The following SUN3 variants were observed in gnomAD, a reference collection of about 807,000 sequenced individuals.
SUN3 encodes the protein SUN domain-containing protein 3.
In SUN3, 36 loss-of-function variants were observed where a neutral mutation model predicts 48.2. The observed-to-expected ratio is 0.75, with a 90% CI of 0.57 to 0.99. SUN3 has a LOEUF of 0.99. Among genes scored for constraint, SUN3 ranks in the 50% least tolerant of loss-of-function variants. The probability of loss-of-function intolerance (pLI) is 0.00; values close to 1 mark genes in which losing one functional copy is unlikely to be tolerated. For missense variants in SUN3, 419 were observed against 433.1 expected (o/e 0.97, Z 0.29); for synonymous variants, 148 against 147.9 (o/e 1.00, Z 0.00).
At chr7:48,027,071 A>G (rs1361998785) in intron 1 of SUN3, among the ~76,000 whole-genome samples, 2 of 152,122 alleles carry the variant, frequency 1.3e-5, no homozygotes, top group African/African-American at 4.8e-5. Flanking sequence ...TCTGGGTTTG[A>G]ACCATCTATA....
At chr7:48,032,388 T>C (rs1790267297), upstream of SUN3, among the ~76,000 whole-genome samples, 1 of 152,216 alleles carries the variant, frequency 6.6e-6, no homozygotes, top group African/African-American at 2.4e-5. Flanking sequence ...AACTGAAACA[T>C]AGAAGTTTTG....
chr7:47,988,916 A>T, intron 8 of SUN3, 36 bp from the exon 9 acceptor site: 1 of 1,186,760 alleles, frequency 8.4e-7, no homozygotes, highest in Non-Finnish European at 1.2e-6. Flanking sequence ...GATTGTAATG[A>T]ATGGATGCAG....
intron 3 of SUN3, among the ~76,000 whole-genome samples, chr7:48,009,807 G>A (rs1038039433): frequency 1.3e-5 from 2 of 152,116 alleles, no homozygotes; most frequent in African/African-American, 2.4e-5. Flanking sequence ...GAGCATGCTG[G>A]AGTGCAGGCA....
intron 3 of SUN3, among the ~76,000 whole-genome samples, chr7:48,011,329 T>A (rs1789677534): frequency 6.6e-6 from 1 of 152,264 alleles, no homozygotes; most frequent in African/African-American, 2.4e-5. Context: ...AGTGCTATAC[T>A]ATAAATGTGT....
intron 7 of SUN3, among the ~76,000 whole-genome samples, chr7:47,994,959 T>C (rs1583746157): frequency 6.6e-6 from 1 of 151,946 alleles, no homozygotes; most frequent in Non-Finnish European, 1.5e-5. Flanking sequence ...GTAGTGGTGG[T>C]TGTAGTGATG....
At chr7:48,035,398 C>A in the SUN3 span, 1 of 623,724 alleles carries the variant, frequency 1.6e-6, no homozygotes, top group Non-Finnish European at 2.9e-6. The surrounding 1 kb of genome is among the most constrained non-coding windows in gnomAD (Gnocchi z 4.0). Context: ...GGCGCCCGCG[C>A]TCCGCTTCCT....
chr7:47,998,383 C>T (rs974047786), intron 6 of SUN3, among the ~76,000 whole-genome samples: 1 of 152,122 alleles, frequency 6.6e-6, no homozygotes, highest in African/African-American at 2.4e-5. Flanking sequence ...GAAGTGTCTT[C>T]CAAACCTTTT....
At chr7:48,002,480 T>A (rs1049967954) in intron 6 of SUN3, among the ~76,000 whole-genome samples, 2 of 145,978 alleles carry the variant, frequency 1.4e-5, no homozygotes, top group Non-Finnish European at 3.0e-5. Flanking sequence ...TCTCTAATGA[T>A]CAGTGACGTC....
At chr7:48,012,954 G>A (rs1228330665) in intron 3 of SUN3, among the ~76,000 whole-genome samples, 1 of 152,176 alleles carries the variant, frequency 6.6e-6, no homozygotes, top group Non-Finnish European at 1.5e-5. Flanking sequence ...AACATAGAAT[G>A]CACATGCCTT....
intron 6 of SUN3, among the ~76,000 whole-genome samples, 188 bp downstream of exon 6, chr7:48,005,781 C>A (rs552529472): frequency 6.6e-6 from 1 of 151,228 alleles, no homozygotes; most frequent in South Asian, 2.1e-4. Flanking sequence ...TTCCCTGGAA[C>A]ATTTGCACTC....
rs753884364 is a variant in SUN3, at chr7:48,017,360, G to A, written c.190C>T (p.Leu64=). The change falls in exon 3 of 10, where the codon CTA becomes TTA. Residue 64 remains leucine (L), a synonymous_variant. Coordinates refer to ENST00000297325, the MANE Select transcript of SUN3 (RefSeq NM_001030019.2). ...LTLTFLLVGL[L]NHQWLKETDV... Reference sequence around the variant, plus strand: ...GTTTCTTTAAGCCACTGATGATTTAGGAGTCCTGTTAAAGAAAAGACAAAC... The same window carrying A: ...GTTTCTTTAAGCCACTGATGATTTAAGAGTCCTGTTAAAGAAAAGACAAAC... The A allele has an allele frequency of 6.3e-7, 1 of 1,579,756 alleles. No individual in the cohort carries two copies. Among genetic ancestry groups the A allele is most frequent in the Non-Finnish European group, 8.7e-7 (1 of 1,155,078 alleles).
chr7:48,009,179 T>C, intron 3 of SUN3, 104 bp from the exon 4 acceptor site: 1 of 1,114,548 alleles, frequency 9.0e-7, no homozygotes, highest in Non-Finnish European at 1.3e-6. Flanking sequence ...TGACTCCTGA[T>C]ATACAGATGT....
rs1286421253 is a variant in SUN3, at chr7:48,001,522, G to GTTTTTTTTTTTTTTT, written c.577+4446_577+4447insAAAAAAAAAAAAAAA. ...TTTAGGTTGGTTCCATGTCTTTTCT[G>GTTTTTTTTTTTTTTT]TTTTTTTTGTTTTTTTTTTTTTTTT... is the stretch of plus-strand genomic sequence containing the variant. On this transcript the variant is annotated intron_variant, in intron 6 of 9. Coordinates refer to ENST00000297325, the MANE Select transcript of SUN3 (RefSeq NM_001030019.2). Among the ~76,000 whole-genome samples, 8 of 121,932 alleles carry GTTTTTTTTTTTTTTT rather than the reference G, an allele frequency of 6.6e-5. 1 individual carries two copies. The highest frequency in any genetic ancestry group is 2.3e-4 in the East Asian group (1 of 4,372). The allele number at this position is 121,932 out of a possible 152,430, so 80.0% of individuals were successfully genotyped here.
chr7:47,987,539 CT>C (rs5884032), intron 9 of SUN3, 90 bp from the exon 10 acceptor site: 366,603 of 1,053,680 alleles, frequency 0.35, 48,566 homozygotes, highest in Middle Eastern at 0.45. Flanking sequence ...AAATTATATA[CT>C]TTTTTTTTTT....
chr7:48,013,105 A>C (rs1583770244), intron 3 of SUN3, among the ~76,000 whole-genome samples: 1 of 152,244 alleles, frequency 6.6e-6, no homozygotes, highest in East Asian at 1.9e-4. Flanking sequence ...GTGACAATAA[A>C]ATTTTGTTCT....
Position 48,017,520 on chromosome 7 carries a change from A to G in SUN3, c.185-155T>C, listed in dbSNP as rs367895126. ...ACATCATGGAAAATGGTGGAATAGT[A>G]CACACAAAAAATCAGGCCTCCATGT... On this transcript the variant is annotated intron_variant, in intron 2 of 9. Coordinates refer to ENST00000297325, the MANE Select transcript of SUN3 (RefSeq NM_001030019.2). 6.6e-5 allele frequency among the ~76,000 whole-genome samples: 10 copies of G among 152,232 alleles called. No homozygotes were observed. The South Asian group carries it at 2.1e-3, about 32-fold the overall frequency.
intron 8 of SUN3, among the ~76,000 whole-genome samples, chr7:47,993,886 T>G (rs1426208357): frequency 6.6e-6 from 1 of 151,444 alleles, no homozygotes; most frequent in African/African-American, 2.5e-5. Flanking sequence ...AAGATGGAAG[T>G]GCCATGGAAA....
chr7:48,035,382 A>G, the SUN3 span: 4 of 614,516 alleles, frequency 6.5e-6, no homozygotes, highest in Non-Finnish European at 1.2e-5. This position sits in a 1 kb window ranked among gnomAD's most constrained non-coding sequence, Gnocchi z 4.0. Flanking sequence ...CGGGCAGTTG[A>G]CAGGCGGCGC....
At chr7:48,018,090 A>G (rs1404671418) in intron 2 of SUN3, among the ~76,000 whole-genome samples, 1 of 152,214 alleles carries the variant, frequency 6.6e-6, no homozygotes, top group South Asian at 2.1e-4. Flanking sequence ...AATGACCCCA[A>G]GAAGATACTG....
Sources: gnomAD v4.1 joint callset for allele counts (sites outside exome capture counted in the v4.1 genomes callset) on GRCh38, gnomAD v4.1.1 for gene constraint, Gnocchi (gnomAD v3.1) non-coding constraint, MANE v1.5 for transcripts, NCBI Gene and HGNC (gene_info 2026-07-23, HGNC 2026-07-21) for gene names.